KCNQ5: variants seen among roughly 807,000 people sequenced by gnomAD.
The protein encoded by KCNQ5 is potassium voltage-gated channel subfamily KQT member 5.
KCNQ5 carries 30 observed loss-of-function variants against 98.2 expected under a neutral mutation model. That is an observed-to-expected ratio of 0.31 (90% confidence interval 0.23 to 0.41). The LOEUF (loss-of-function observed/expected upper bound fraction) is 0.41. Among genes scored for constraint, KCNQ5 ranks in the 10% least tolerant of loss-of-function variants. The probability of loss-of-function intolerance (pLI) is 1.00; values close to 1 mark genes in which losing one functional copy is unlikely to be tolerated. For synonymous variants in KCNQ5, 458 were observed against 449.4 expected (o/e 1.02, Z -0.24); for missense variants, 835 against 1,182.5 (o/e 0.71, Z 4.31).
intron 1 of KCNQ5, among the ~76,000 whole-genome samples, chr6:72,817,835 A>C (rs1353237292): frequency 6.6e-6 from 1 of 152,076 alleles, no homozygotes; most frequent in Non-Finnish European, 1.5e-5. Context: ...CAGAGGTTGC[A>C]GTGAGCCGTG....
intron 1 of KCNQ5, among the ~76,000 whole-genome samples, chr6:72,680,980 C>A (rs1484941636): frequency 1.3e-5 from 2 of 152,194 alleles, no homozygotes; most frequent in Non-Finnish European, 2.9e-5. Context: ...TTACTTACTG[C>A]AAATCAGAAG....
intron 1 of KCNQ5, chr6:72,987,541 C>G (rs1468879411): frequency 2.0e-5 from 13 of 659,216 alleles, no homozygotes; most frequent in Non-Finnish European, 3.4e-5. Context: ...CTCCAAGCCC[C>G]GCAGCACGAT....
chr6:73,051,782 G>C (rs1193503073), intron 3 of KCNQ5, among the ~76,000 whole-genome samples: 2 of 145,720 alleles, frequency 1.4e-5, no homozygotes, highest in African/African-American at 5.3e-5. Context: ...AGGAAAATCA[G>C]CCCACACAGA....
At chr6:73,013,892 A>G (rs1770196132) in intron 2 of KCNQ5, among the ~76,000 whole-genome samples, 1 of 152,172 alleles carries the variant, frequency 6.6e-6, no homozygotes, top group Non-Finnish European at 1.5e-5. Flanking sequence ...CCACTTACCA[A>G]GTTATCACAA....
At chr6:72,820,626 CA>C (rs1455669772) in intron 1 of KCNQ5, among the ~76,000 whole-genome samples, 1 of 151,958 alleles carries the variant, frequency 6.6e-6, no homozygotes, top group East Asian at 1.9e-4. Flanking sequence ...AGCAGGAAGA[CA>C]GAGGAAGCCT....
chr6:73,074,887 G>A (rs1344558540), intron 3 of KCNQ5, among the ~76,000 whole-genome samples: 1 of 152,008 alleles, frequency 6.6e-6, no homozygotes, highest in African/African-American at 2.4e-5. Context: ...TAGTAAATGA[G>A]GTAGTATATC....
chr6:72,988,468 C>G (rs1012377347), intron 1 of KCNQ5, among the ~76,000 whole-genome samples: 2 of 151,916 alleles, frequency 1.3e-5, no homozygotes, highest in African/African-American at 4.8e-5. Context: ...TACCCACGGT[C>G]GTAAACATGG....
intron 11 of KCNQ5, among the ~76,000 whole-genome samples, chr6:73,170,857 C>G (rs1290861530): frequency 6.6e-6 from 1 of 152,006 alleles, no homozygotes; most frequent in East Asian, 1.9e-4. Context: ...TCTCTTGAGC[C>G]CGGGAGATGG....
chr6:72,829,871 G>A (rs150623272), intron 1 of KCNQ5, among the ~76,000 whole-genome samples: 4,117 of 152,238 alleles, frequency 0.027, 193 homozygotes, highest in African/African-American at 0.093. Flanking sequence ...CAAGTTGTGG[G>A]TAATTCCAAA....
At chr6:73,017,124 G>T (rs1416619497) in intron 2 of KCNQ5, among the ~76,000 whole-genome samples, 3 of 152,092 alleles carry the variant, frequency 2.0e-5, no homozygotes, top group Non-Finnish European at 4.4e-5. Context: ...TAGCCCCTGT[G>T]CTGGGGTCTG....
chr6:72,951,859 T>A (rs576978405), intron 1 of KCNQ5, among the ~76,000 whole-genome samples: 5 of 152,314 alleles, frequency 3.3e-5, no homozygotes, highest in African/African-American at 1.2e-4. Context: ...TGTAATGTAC[T>A]TCTAGAACTT....
chr6:73,075,588 A>C (rs1204974326), intron 3 of KCNQ5, among the ~76,000 whole-genome samples: 1 of 152,202 alleles, frequency 6.6e-6, no homozygotes, highest in Non-Finnish European at 1.5e-5. Flanking sequence ...CACATTGTAC[A>C]TACTGTTTTG....
intron 11 of KCNQ5, among the ~76,000 whole-genome samples, chr6:73,188,395 C>A (rs1157260493): frequency 1.3e-5 from 2 of 152,208 alleles, no homozygotes; most frequent in African/African-American, 4.8e-5. Flanking sequence ...ACAACAACAG[C>A]AAAACCACCT....
chr6:72,622,205 G>A lies in KCNQ5; in HGVS notation c.16G>A (p.Ala6Thr). Reference sequence around the variant, plus strand: ...TGGTGATGCCATGCCCCGCCACCACGCGGGAGGAGAGGAGGGCGGCGCCGC... The same window carrying A: ...TGGTGATGCCATGCCCCGCCACCACACGGGAGGAGAGGAGGGCGGCGCCGC... MPRHH[A>T]GGEEGGAAGL... Residue 6 changes from alanine (A) to threonine (T), a missense_variant, in exon 1 of 14, where the codon GCG becomes ACG. Coordinates refer to ENST00000370398, the MANE Select transcript of KCNQ5 (RefSeq NM_019842.4). This position sits in a 1 kb window ranked among gnomAD's most constrained non-coding sequence, Gnocchi z 6.0. 8.1e-7 allele frequency: 1 copy of A among 1,227,414 alleles called. No individual in the cohort carries two copies. The highest frequency in any genetic ancestry group is 1.0e-6 in the Non-Finnish European group (1 of 985,542). 76.0% of individuals were successfully genotyped at this position (1,227,414 alleles called of 1,614,324 possible). A position where few individuals can be genotyped will look rare whatever the true frequency, so the allele number is the denominator to read the frequency against.
intron 1 of KCNQ5, among the ~76,000 whole-genome samples, chr6:72,734,103 G>T (rs946718411): frequency 3.9e-5 from 6 of 152,302 alleles, no homozygotes; most frequent in African/African-American, 1.2e-4. Flanking sequence ...TGTGGGATGG[G>T]CTTGAGATTA....
rs201503571 is a variant in KCNQ5 at position 72,974,385 on chromosome 6, C to CAA, written c.399-29510_399-29509dup. Among the ~76,000 whole-genome samples, 839 of 120,466 alleles carry CAA rather than the reference C, an allele frequency of 7.0e-3. 12 individuals carry two copies. Among genetic ancestry groups the CAA allele is most frequent in the East Asian group, 0.026 (114 of 4,410 alleles). 79.0% of individuals were successfully genotyped at this position (120,466 alleles called of 152,430 possible). A position where few individuals can be genotyped will look rare whatever the true frequency, so the allele number is the denominator to read the frequency against. Reference sequence around the variant, plus strand: ...TCCTACAGATGGCAATAACTAGTGGCAAAAAAAAAAAAAAGGCCTAGACTC... The same window carrying CAA: ...TCCTACAGATGGCAATAACTAGTGGCAAAAAAAAAAAAAAAAGGCCTAGACTC... On this transcript the variant is annotated intron_variant, in intron 1 of 13. Transcript: ENST00000370398.
chr6:72,959,367 T>C (rs1767231869), intron 1 of KCNQ5, among the ~76,000 whole-genome samples: 2 of 152,208 alleles, frequency 1.3e-5, no homozygotes, highest in Admixed American at 1.3e-4. Flanking sequence ...GAAGAGAGAA[T>C]GGTTGCTAGA....
intron 1 of KCNQ5, among the ~76,000 whole-genome samples, chr6:72,797,845 A>G (rs1447062094): frequency 6.6e-6 from 1 of 152,158 alleles, no homozygotes; most frequent in Non-Finnish European, 1.5e-5. Context: ...AATTATTAAA[A>G]ACTCATGAAT....
intron 1 of KCNQ5, among the ~76,000 whole-genome samples, chr6:72,624,959 C>G (rs565297662): frequency 1.3e-5 from 2 of 152,292 alleles, no homozygotes; most frequent in East Asian, 3.9e-4. Flanking sequence ...TAACTAGACC[C>G]CAATAAAATA....
Sources: gnomAD v4.1 joint callset for allele counts (sites outside exome capture counted in the v4.1 genomes callset) on GRCh38, gnomAD v4.1.1 for gene constraint, Gnocchi (gnomAD v3.1) non-coding constraint, MANE v1.5 for transcripts, NCBI Gene and HGNC (gene_info 2026-07-23, HGNC 2026-07-21) for gene names.